The following CAPRIN2 variants were observed in gnomAD, a reference collection of about 807,000 sequenced individuals.
CAPRIN2 encodes caprin family member 2.
Under a neutral mutation model 130.4 loss-of-function variants are expected in CAPRIN2, and 66 were observed. The observed-to-expected ratio is 0.51, with a 90% CI of 0.42 to 0.62. The LOEUF is 0.62. Among genes scored for constraint, CAPRIN2 ranks in the 20% least tolerant of loss-of-function variants. The probability of loss-of-function intolerance (pLI) is 0.00; values close to 1 mark genes in which losing one functional copy is unlikely to be tolerated. For missense variants in CAPRIN2, 1,185 were observed against 1,246.6 expected (o/e 0.95, Z 0.74); for synonymous variants, 471 against 444.1 (o/e 1.06, Z -0.76).
At chr12:30,742,427 GA>G (rs1447782367) in intron 2 of CAPRIN2, among the ~76,000 whole-genome samples, 2 of 151,306 alleles carry the variant, frequency 1.3e-5, no homozygotes, top group African/African-American at 4.9e-5. Context: ...TATGTACCCT[GA>G]AAAAAAATCT....
chr12:30,753,929 A>AT (rs1265454292), exon 1 of CAPRIN2: 27 of 637,048 alleles, frequency 4.2e-5, no homozygotes, highest in Non-Finnish European at 7.0e-5. Flanking sequence ...ATCACATTCT[A>AT]AATAATTCCC....
intron 12 of CAPRIN2, among the ~76,000 whole-genome samples, chr12:30,718,265 A>G (rs1199608257): frequency 6.6e-6 from 1 of 152,238 alleles, no homozygotes; most frequent in East Asian, 1.9e-4. Flanking sequence ...ACAGGAAAAG[A>G]GTGAAAGCAA....
At chr12:30,745,560 A>G (rs2139437075) in intron 2 of CAPRIN2, among the ~76,000 whole-genome samples, 1 of 152,302 alleles carries the variant, frequency 6.6e-6, no homozygotes, top group South Asian at 2.1e-4. Flanking sequence ...CTGTTGGGTT[A>G]AAGAAGAAAA....
intron 12 of CAPRIN2, among the ~76,000 whole-genome samples, chr12:30,718,235 A>G (rs2058278012): frequency 6.6e-6 from 1 of 152,244 alleles, no homozygotes; most frequent in Non-Finnish European, 1.5e-5. Flanking sequence ...CAATGTGGCT[A>G]TACTGTGCAG....
chr12:30,717,783 C>G (rs1387568676), intron 12 of CAPRIN2, among the ~76,000 whole-genome samples: 1 of 152,074 alleles, frequency 6.6e-6, no homozygotes, highest in African/African-American at 2.4e-5. Flanking sequence ...ATCTTTACCA[C>G]GTGGCAAGCA....
chr12:30,728,899 T>C (rs1178722297), exon 8 of CAPRIN2: 1 of 1,614,094 alleles, frequency 6.2e-7, no homozygotes, highest in East Asian at 2.2e-5. Context: ...GACTTTGGAG[T>C]TTGCTTCTTT....
At chr12:30,723,456 T>C (rs2137240181) in intron 10 of CAPRIN2, 142 bp from the exon 12 acceptor site, 1 of 601,726 alleles carries the variant, frequency 1.7e-6, no homozygotes, top group East Asian at 2.8e-5. Flanking sequence ...GCACTTTCTA[T>C]TAGAGTTTTA....
chr12:30,728,069 ACTAT>A (rs2137671592), intron 8 of CAPRIN2, among the ~76,000 whole-genome samples: 1 of 152,320 alleles, frequency 6.6e-6, no homozygotes, highest in African/African-American at 2.4e-5. Flanking sequence ...TCTTATCTAA[ACTAT>A]CTACTATTTT....
intron 11 of CAPRIN2, among the ~76,000 whole-genome samples, chr12:30,722,479 T>C (rs540585367): frequency 6.6e-6 from 1 of 152,250 alleles, no homozygotes; most frequent in South Asian, 2.1e-4. Context: ...AAATTTACCT[T>C]GTCAATTGAA....
chr12:30,735,080 G>A lies in CAPRIN2; in HGVS notation c.697C>T (p.Gln233Ter). Residue 233 changes from glutamine (Q) to a stop codon, truncating the protein, a stop_gained, in exon 4 of 17, where the codon CAA (glutamine) becomes TAA (stop). Coordinates refer to ENST00000298892, the Ensembl canonical transcript of CAPRIN2. LOFTEE classifies it high-confidence loss of function. ...TTCAAACCCCCTTTGAAGTCTTTTT[G>A]TACGTGCTCCTGTGTCAAGTTCTGC... The A allele has an allele frequency of 6.2e-7, 1 of 1,614,048 alleles. No homozygotes were observed. Among genetic ancestry groups the A allele is most frequent in the Non-Finnish European group, 8.5e-7 (1 of 1,179,934 alleles).
At chr12:30,750,133 A>G (rs1425287319) in intron 2 of CAPRIN2, among the ~76,000 whole-genome samples, 1 of 152,236 alleles carries the variant, frequency 6.6e-6, no homozygotes, top group Admixed American at 6.5e-5. Flanking sequence ...CTCCCCAGCT[A>G]AGTGAGCGCA....
intron 12 of CAPRIN2, among the ~76,000 whole-genome samples, chr12:30,718,809 G>A (rs2058473577): frequency 6.6e-6 from 1 of 152,152 alleles, no homozygotes; most frequent in Admixed American, 6.5e-5. Context: ...CATTTTGTTT[G>A]TTTAATATGG....
Position 30,710,033 on chromosome 12 carries a change from T to C in CAPRIN2, c.3103A>G (p.Thr1035Ala), listed in dbSNP as rs1414537553. The change falls in exon 17 of 17, where the codon ACT (threonine) becomes GCT (alanine). Residue 1035 changes from threonine (T) to alanine (A), a missense_variant. Physicochemically the swap from Thr to Ala is moderately conservative, Grantham distance 58. Around this residue, in one of 2 missense-constraint regions of CAPRIN2, gnomAD observed 81 missense variants for 142.2 expected, o/e 0.57. Transcript: ENST00000298892. The surrounding 1 kb of genome is among the most constrained non-coding windows in gnomAD (Gnocchi z 4.8). ...TGAAGAATTGCATGATTGCTAGCAG[T>C]TTCATGGTCTGGAGCACCATCATTG... is the stretch of plus-strand genomic sequence containing the variant. The C allele has an allele frequency of 6.2e-7, 1 of 1,614,026 alleles. No homozygotes were observed. The highest frequency in any genetic ancestry group is 8.5e-7 in the Non-Finnish European group (1 of 1,180,032).
At chr12:30,740,184 C>T (rs1389454917) in intron 3 of CAPRIN2, among the ~76,000 whole-genome samples, 1 of 152,020 alleles carries the variant, frequency 6.6e-6, no homozygotes, top group East Asian at 1.9e-4. Flanking sequence ...CAGGAAGATC[C>T]CTTCAGCCCA....
chr12:30,723,460 A>C, intron 10 of CAPRIN2, 146 bp from the exon 12 acceptor site: 1 of 595,996 alleles, frequency 1.7e-6, no homozygotes, highest in South Asian at 2.1e-5. Context: ...TTTCTATTAG[A>C]GTTTTAACAA....
At chr12:30,747,665 C>G (rs2071346071) in intron 2 of CAPRIN2, among the ~76,000 whole-genome samples, 1 of 147,908 alleles carries the variant, frequency 6.8e-6, no homozygotes, top group Non-Finnish European at 1.5e-5. Flanking sequence ...CAACAAGAGC[C>G]AAACACCGTC....
intron 9 of CAPRIN2, among the ~76,000 whole-genome samples, chr12:30,724,843 A>C (rs1448449794): frequency 6.6e-6 from 1 of 151,998 alleles, no homozygotes; most frequent in African/African-American, 2.4e-5. Flanking sequence ...TTTTTTGAAG[A>C]ATTAGCTAGG....
chr12:30,720,825 A>G, exon 12 of CAPRIN2: 1 of 1,606,182 alleles, frequency 6.2e-7, no homozygotes, highest in East Asian at 2.2e-5. Flanking sequence ...GGAGTCTCTG[A>G]GGTCATAAAC....
intron 12 of CAPRIN2, 69 bp from the exon 14 acceptor site, chr12:30,719,294 C>G (rs903323917): frequency 7.0e-6 from 11 of 1,564,440 alleles, no homozygotes; most frequent in Admixed American, 5.3e-5. Flanking sequence ...ACTCTAAAAC[C>G]CAAACTGGCA....
Sources: gnomAD v4.1 joint callset for allele counts (sites outside exome capture counted in the v4.1 genomes callset) on GRCh38, gnomAD v4.1.1 for gene constraint, gnomAD v4.1.1 regional missense constraint, Gnocchi (gnomAD v3.1) non-coding constraint, MANE v1.5 for transcripts, NCBI Gene and HGNC (gene_info 2026-07-23, HGNC 2026-07-21) for gene names.